TMEM117: variants seen among roughly 807,000 people sequenced by gnomAD.
TMEM117 encodes transmembrane protein 117.
A neutral mutation model predicts 52.4 loss-of-function variants in TMEM117; 27 were observed. The ratio of observed to expected loss-of-function variants is 0.51; its 90% confidence interval spans 0.38 to 0.71. The LOEUF (loss-of-function observed/expected upper bound fraction) is 0.71, where lower values mean the gene tolerates loss of function less well. TMEM117 is among the 30% of genes least tolerant of loss of function. The pLI is 0.00. For missense variants in TMEM117, 556 were observed against 630.5 expected (o/e 0.88, Z 1.26); for synonymous variants, 215 against 206.3 (o/e 1.04, Z -0.36).
At chr12:44,152,513 T>C (rs1281163661) in intron 4 of TMEM117, among the ~76,000 whole-genome samples, 2 of 110,442 alleles carry the variant, frequency 1.8e-5, no homozygotes, top group Admixed American at 1.1e-4. Context: ...ATATCATATA[T>C]AAATTTATAT....
At chr12:44,376,863 G>A (rs1951949586) in intron 7 of TMEM117, 139 bp downstream of exon 7, 2 of 916,386 alleles carry the variant, frequency 2.2e-6, no homozygotes, top group Admixed American at 7.5e-5. Context: ...GTGCAAGGTG[G>A]TTTTCAGATC....
chr12:44,254,049 C>T (rs1950228239), intron 5 of TMEM117, among the ~76,000 whole-genome samples: 2 of 145,130 alleles, frequency 1.4e-5, no homozygotes, highest in Non-Finnish European at 3.0e-5. Context: ...GGCTAACCAA[C>T]TCAATGACAA....
At chr12:43,977,778 T>G (rs1565778118) in intron 3 of TMEM117, among the ~76,000 whole-genome samples, 2 of 152,146 alleles carry the variant, frequency 1.3e-5, no homozygotes, top group Non-Finnish European at 2.9e-5. Flanking sequence ...AATTGTGAGC[T>G]GGCATAAGTC....
At chr12:44,079,251 T>C (rs1947438441) in intron 3 of TMEM117, among the ~76,000 whole-genome samples, 1 of 152,186 alleles carries the variant, frequency 6.6e-6, no homozygotes, top group Admixed American at 6.5e-5. Flanking sequence ...CTGGGTCAAA[T>C]GGTATTTCTA....
At chr12:44,366,971 A>G (rs1321845223) in intron 6 of TMEM117, among the ~76,000 whole-genome samples, 1 of 152,172 alleles carries the variant, frequency 6.6e-6, no homozygotes, top group Non-Finnish European at 1.5e-5. Context: ...CAGAATGGAC[A>G]CCAGCTGTAA....
intron 4 of TMEM117, among the ~76,000 whole-genome samples, chr12:44,153,117 T>C (rs1948779044): frequency 6.6e-6 from 1 of 151,906 alleles, no homozygotes; most frequent in African/African-American, 2.4e-5. Context: ...TAATGAGTAC[T>C]CATTTTATTG....
chr12:43,985,703 T>C (rs978811557), intron 3 of TMEM117, among the ~76,000 whole-genome samples: 1 of 152,204 alleles, frequency 6.6e-6, no homozygotes, highest in Non-Finnish European at 1.5e-5. Context: ...GGTAAGCAAA[T>C]GCTAGAAACT....
chr12:44,352,289 T>C (rs2138782615), intron 6 of TMEM117, among the ~76,000 whole-genome samples: 1 of 152,150 alleles, frequency 6.6e-6, no homozygotes, highest in East Asian at 1.9e-4. Flanking sequence ...TTTTGTTTTT[T>C]TGTTTTTTTA....
intron 6 of TMEM117, among the ~76,000 whole-genome samples, chr12:44,300,093 T>C (rs1353274427): frequency 1.3e-5 from 2 of 152,182 alleles, no homozygotes; most frequent in Non-Finnish European, 2.9e-5. Context: ...ACATGAGGAT[T>C]ATATAAAAGC....
chr12:44,035,312 G>GTTTCTC, intron 3 of TMEM117, among the ~76,000 whole-genome samples: 1 of 152,190 alleles, frequency 6.6e-6, no homozygotes, highest in Non-Finnish European at 1.5e-5. Context: ...CAAAGGAATT[G>GTTTCTC]AGTAGATGAC....
chr12:43,853,118 C>T (rs1487919117), intron 2 of TMEM117, among the ~76,000 whole-genome samples: 2 of 152,118 alleles, frequency 1.3e-5, no homozygotes, highest in Non-Finnish European at 2.9e-5. Context: ...GTCTGATTTC[C>T]CAGCTATACC....
At chr12:43,899,053 T>G (rs1437441883) in intron 2 of TMEM117, among the ~76,000 whole-genome samples, 1 of 152,240 alleles carries the variant, frequency 6.6e-6, no homozygotes, top group Non-Finnish European at 1.5e-5. Context: ...ATCTTGAGAA[T>G]GCAGCCCCTG....
intron 5 of TMEM117, among the ~76,000 whole-genome samples, chr12:44,259,233 A>G (rs1019201912): frequency 4.6e-5 from 7 of 152,114 alleles, no homozygotes; most frequent in African/African-American, 1.7e-4. Flanking sequence ...GCAACCTACA[A>G]TATGAGTCCC....
chr12:44,069,669 G>C (rs976921143), intron 3 of TMEM117, among the ~76,000 whole-genome samples: 9 of 152,180 alleles, frequency 5.9e-5, no homozygotes, highest in African/African-American at 2.2e-4. Flanking sequence ...TAAAGCAGAG[G>C]AGGAACATGA....
intron 6 of TMEM117, among the ~76,000 whole-genome samples, chr12:44,342,973 T>G (rs1951436898): frequency 6.6e-6 from 1 of 152,034 alleles, no homozygotes; most frequent in Admixed American, 6.6e-5. Context: ...CTTCCCCTTC[T>G]TCAAGTGATT....
At chr12:44,274,944 G>A (rs929355918) in intron 5 of TMEM117, among the ~76,000 whole-genome samples, 1 of 152,020 alleles carries the variant, frequency 6.6e-6, no homozygotes, top group African/African-American at 2.4e-5. Flanking sequence ...CAAAGGAAAA[G>A]TTGGCAAATG....
intron 5 of TMEM117, among the ~76,000 whole-genome samples, chr12:44,266,719 A>G (rs1237510777): frequency 1.3e-5 from 2 of 152,114 alleles, no homozygotes; most frequent in Non-Finnish European, 2.9e-5. Context: ...ATTTATTCCT[A>G]TAATTTCTTC....
intron 2 of TMEM117, among the ~76,000 whole-genome samples, chr12:43,859,156 G>A (rs896144725): frequency 2.0e-5 from 3 of 152,150 alleles, no homozygotes; most frequent in Non-Finnish European, 4.4e-5. Context: ...CTCTGTGTTC[G>A]ATTACTGTTT....
At chr12:44,101,508 C>A (rs112052587) in intron 3 of TMEM117, among the ~76,000 whole-genome samples, 1 of 152,028 alleles carries the variant, frequency 6.6e-6, no homozygotes, top group Non-Finnish European at 1.5e-5. Flanking sequence ...ACCTGGTTTA[C>A]TTCCGGAGAC....
Sources: allele counts gnomAD v4.1 joint callset (sites outside exome capture counted in the v4.1 genomes callset), GRCh38; gene constraint gnomAD v4.1.1; transcripts MANE v1.5; gene names NCBI Gene and HGNC (gene_info 2026-07-23, HGNC 2026-07-21).